The following TTC7A variants were observed in gnomAD, a reference collection of about 807,000 sequenced individuals.
TTC7A encodes tetratricopeptide repeat protein 7A.
TTC7A carries 110 observed loss-of-function variants against 103.7 expected under a neutral mutation model. The ratio of observed to expected loss-of-function variants is 1.06; its 90% CI spans 0.91 to 1.24. TTC7A has a LOEUF of 1.24. TTC7A is among the 50% of genes most tolerant of loss of function. The probability of loss-of-function intolerance (pLI) is 0.00; values close to 1 mark genes in which losing one functional copy is unlikely to be tolerated. For synonymous variants in TTC7A, 521 were observed against 467.9 expected (o/e 1.11, Z -1.47); for missense variants, 1,340 against 1,116.3 (o/e 1.20, Z -2.86).
rs1379853691 is a variant in TTC7A, at chr2:46,941,390, C to T, written c.-152C>T. On this transcript the variant is annotated 5_prime_UTR_variant, in exon 1 of 20. Coordinates refer to ENST00000319190, the MANE Select transcript of TTC7A (RefSeq NM_020458.4). This position sits in a 1 kb window ranked among gnomAD's most constrained non-coding sequence, Gnocchi z 4.2. ...TGCTGCTGCTGCTGCTGCTGCCCAC[C>T]CTCCGCCGCCCGGGCCCCCGCTGCC... The T allele has an allele frequency of 3.6e-5, 22 of 609,276 alleles. No individual in the cohort carries two copies. The highest frequency in any genetic ancestry group is 4.5e-5 in the Non-Finnish European group (20 of 446,262). 37.7% of individuals were successfully genotyped at this position (609,276 alleles called of 1,614,324 possible). A position where few individuals can be genotyped will look rare whatever the true frequency, so the allele number is the denominator to read the frequency against.
At chr2:47,072,068 G>T (rs1441735367) in intron 19 of TTC7A, among the ~76,000 whole-genome samples, 1 of 152,184 alleles carries the variant, frequency 6.6e-6, no homozygotes, top group East Asian at 1.9e-4. Flanking sequence ...TGTGGGCCGT[G>T]TTCCATTGTG....
chr2:46,930,087 A>ATAACC (rs1553360117), intron 2 of TTC7A, among the ~76,000 whole-genome samples: 1 of 152,186 alleles, frequency 6.6e-6, no homozygotes, highest in Non-Finnish European at 1.5e-5. Context: ...ACTATGTATC[A>ATAACC]TAACCTAACC....
chr2:46,920,176 TATTA>T (rs1448000604), intron 2 of TTC7A, among the ~76,000 whole-genome samples: 6 of 152,314 alleles, frequency 3.9e-5, no homozygotes, highest in Admixed American at 1.3e-4. Context: ...AAGGTATATA[TATTA>T]ATTATGTATA....
intron 5 of TTC7A, among the ~76,000 whole-genome samples, chr2:46,979,627 T>C (rs1329082139): frequency 1.3e-5 from 2 of 152,072 alleles, no homozygotes; most frequent in Non-Finnish European, 2.9e-5. Context: ...AGTGGTTGTT[T>C]CATGGGGTGT....
intron 8 of TTC7A, among the ~76,000 whole-genome samples, chr2:47,001,238 G>T (rs569347019): frequency 3.4e-4 from 52 of 152,304 alleles, no homozygotes; most frequent in African/African-American, 1.1e-3. Flanking sequence ...AACAGGGCTG[G>T]GCAGAGGGAG....
intron 11 of TTC7A, among the ~76,000 whole-genome samples, chr2:47,018,517 A>G (rs930599384): frequency 2.0e-4 from 30 of 150,974 alleles, no homozygotes; most frequent in African/African-American, 7.3e-4. Context: ...CCCAGAGGTG[A>G]AGGTTGCAGT....
At chr2:47,073,652 C>A in intron 19 of TTC7A, 50 bp from the exon 20 acceptor site, 1 of 1,547,666 alleles carries the variant, frequency 6.5e-7, no homozygotes, top group Non-Finnish European at 8.9e-7. Context: ...TGCCAAGATG[C>A]CTGTGCCATG....
chr2:46,971,396 A>G (rs1673342893), intron 3 of TTC7A, among the ~76,000 whole-genome samples: 1 of 152,166 alleles, frequency 6.6e-6, no homozygotes, highest in South Asian at 2.1e-4. Context: ...GAGCAAGTCA[A>G]GAAGGCATCC....
Position 46,950,522 on chromosome 2 carries a change from T to C in TTC7A, c.344T>C (p.Leu115Pro). 10 of 1,614,026 alleles carry C rather than the reference T, an allele frequency of 6.2e-6. No individual in the cohort carries two copies. Among genetic ancestry groups the C allele is most frequent in the Non-Finnish European group, 8.5e-6 (10 of 1,179,992 alleles). ...YLSSILNHGR[L>P]SPQYMCEAML... is the part of the protein sequence containing the mutation. ...AGCAGTATCCTTAACCATGGGAGGC[T>C]CTCGGTAAGTCGTCAGCCTTCAAGC... The change falls in exon 2 of 20, where the codon CTC becomes CCC. Residue 115 changes from leucine to proline, a missense_variant. Physicochemically the swap from Leu to Pro is moderately conservative, Grantham distance 98. Coordinates refer to ENST00000319190, the MANE Select transcript of TTC7A (RefSeq NM_020458.4).
chr2:47,006,603 C>G, intron 9 of TTC7A, 38 bp from the exon 10 acceptor site: 1 of 1,568,202 alleles, frequency 6.4e-7, no homozygotes, highest in Non-Finnish European at 8.8e-7. Flanking sequence ...GGTGGGAGGA[C>G]CCCTGGTGGG....
chr2:47,065,268 C>T (rs1405939044), intron 19 of TTC7A, among the ~76,000 whole-genome samples: 2 of 152,178 alleles, frequency 1.3e-5, no homozygotes, highest in Non-Finnish European at 2.9e-5. Flanking sequence ...GCCTGGGTGA[C>T]AGAGCGAGAC....
rs114556314 is a variant in TTC7A, at chr2:47,012,074, G to A, written c.1392+639G>A. On this transcript the variant is annotated intron_variant, in intron 11 of 19. Coordinates refer to ENST00000319190, the MANE Select transcript of TTC7A (RefSeq NM_020458.4). ...ACTCCCATGAGATCAGCAGCTTGGAGTAGTGAAGGAGAACAGTGCCAGGAG... is the reference window on the plus strand; with the variant it reads ...ACTCCCATGAGATCAGCAGCTTGGAATAGTGAAGGAGAACAGTGCCAGGAG... Among the ~76,000 whole-genome samples the A allele has an allele frequency of 5.8e-3, 880 of 152,322 alleles. 6 individuals are homozygous for A. Among genetic ancestry groups the A allele is most frequent in the Non-Finnish European group, 9.2e-3 (626 of 68,014 alleles).
intron 5 of TTC7A, among the ~76,000 whole-genome samples, chr2:46,980,434 ACT>A (rs1336552093): frequency 2.6e-5 from 4 of 151,300 alleles, no homozygotes; most frequent in South Asian, 4.2e-4. Flanking sequence ...CTGGTCTCAA[ACT>A]CTTGGACTCA....
intron 1 of TTC7A, among the ~76,000 whole-genome samples, chr2:46,943,809 G>A (rs1670682589): frequency 1.3e-5 from 2 of 152,152 alleles, no homozygotes; most frequent in African/African-American, 2.4e-5. Context: ...TACAGAATTG[G>A]GAGAGGTTCT....
At chr2:46,995,043 G>A (rs1007914686) in intron 7 of TTC7A, 93 bp from the exon 8 acceptor site, 15 of 1,200,864 alleles carry the variant, frequency 1.2e-5, no homozygotes, top group Non-Finnish European at 1.7e-5. Flanking sequence ...CCGAGCTGGT[G>A]CTGACTCTGG....
chr2:47,026,676 C>T (rs1247070335), intron 14 of TTC7A, among the ~76,000 whole-genome samples: 1 of 101,298 alleles, frequency 9.9e-6, no homozygotes. Flanking sequence ...CTGTCCTATT[C>T]CTTAGTTTTC....
At chr2:46,924,598 G>A (rs774045623) in intron 2 of TTC7A, among the ~76,000 whole-genome samples, 1 of 152,048 alleles carries the variant, frequency 6.6e-6, no homozygotes, top group Non-Finnish European at 1.5e-5. Context: ...ATATTCATAA[G>A]AGTACCTTAC....
rs1490521311 is a variant in TTC7A, at chr2:47,073,982, G to A, written c.*59G>A. 3.5e-6 allele frequency: 5 copies of A among 1,421,416 alleles called. No homozygotes were observed. The Admixed American group carries it at 5.6e-5, about 16-fold the overall frequency. 88.1% of individuals were successfully genotyped at this position (1,421,416 alleles called of 1,614,324 possible). A position where few individuals can be genotyped will look rare whatever the true frequency, so the allele number is the denominator to read the frequency against. On this transcript the variant is annotated 3_prime_UTR_variant, in exon 20 of 20. Transcript: ENST00000319190. The stretch of plus-strand genomic sequence containing the variant: ...CAGAGGGAGAGGCAGCAGGGAACGT[G>A]GGTCAGGGTGGGGCAACAGTGGCAT...
At chr2:46,989,921 G>A (rs1307225688) in intron 5 of TTC7A, among the ~76,000 whole-genome samples, 5 of 152,194 alleles carry the variant, frequency 3.3e-5, no homozygotes, top group South Asian at 2.1e-4. Flanking sequence ...GTCCAAGAGC[G>A]TTGATGATGT....
Sources: allele counts gnomAD v4.1 joint callset (sites outside exome capture counted in the v4.1 genomes callset), GRCh38; gene constraint gnomAD v4.1.1; non-coding constraint Gnocchi (gnomAD v3.1); transcripts MANE v1.5; gene names NCBI Gene and HGNC (gene_info 2026-07-23, HGNC 2026-07-21).